The following TIMP2 variants were observed in gnomAD, a reference collection of about 807,000 sequenced individuals.
The protein encoded by TIMP2 is TIMP metallopeptidase inhibitor 2.
In TIMP2, 5 loss-of-function variants were observed where a neutral mutation model predicts 24.3. The ratio of observed to expected loss-of-function variants is 0.21; its 90% CI spans 0.11 to 0.43. TIMP2 has a LOEUF of 0.43. Ranked by LOEUF, TIMP2 falls within the 20% of genes least tolerant of loss-of-function variation. The probability of loss-of-function intolerance (pLI) is 1.00; values close to 1 mark genes in which losing one functional copy is unlikely to be tolerated. For synonymous variants in TIMP2, 130 were observed against 123.2 expected, an observed-to-expected ratio of 1.06 and a Z score of -0.37; for missense variants, 221 against 297.5, an observed-to-expected ratio of 0.74 and a Z score of 1.89.
chr17:78,862,588 T>C (rs1382145024), intron 3 of TIMP2, among the ~76,000 whole-genome samples: 2 of 152,244 alleles, frequency 1.3e-5, no homozygotes, highest in South Asian at 2.1e-4. Flanking sequence ...AGGAAGTCCA[T>C]GTGCAGATTT....
intron 1 of TIMP2, among the ~76,000 whole-genome samples, chr17:78,890,082 C>T (rs530940754): frequency 6.6e-6 from 1 of 152,222 alleles, no homozygotes; most frequent in East Asian, 1.9e-4. Context: ...CACCACTGCA[C>T]TCTAGCCTGG....
chr17:78,855,912 G>A lies in TIMP2; in HGVS notation c.466-48C>T. The A allele has an allele frequency of 1.3e-6, 2 of 1,594,576 alleles. No homozygotes were observed. Among genetic ancestry groups the A allele is most frequent in the Admixed American group, 1.7e-5 (1 of 59,950 alleles). On this transcript the variant is annotated intron_variant, in intron 4 of 4. Coordinates refer to ENST00000262768, the MANE Select transcript of TIMP2 (RefSeq NM_003255.5). The surrounding 1 kb of genome is among the most constrained non-coding windows in gnomAD (Gnocchi z 6.0). ...GGACGGAGTCAGGGACCCAGGAAGG[G>A]GTGGGCAGAGGCTGCTCTGGGGGCA... is the stretch of plus-strand genomic sequence containing the variant.
intron 1 of TIMP2, among the ~76,000 whole-genome samples, chr17:78,917,102 A>C (rs1233591755): frequency 6.6e-6 from 1 of 152,120 alleles, no homozygotes; most frequent in African/African-American, 2.4e-5. Context: ...AATACAAAAA[A>C]TTAGCCGGGC....
Position 78,887,736 on chromosome 17 carries a change from GAA to G in TIMP2, c.131-13819_131-13818del, listed in dbSNP as rs34363852. On this transcript the variant is annotated intron_variant, in intron 1 of 4. Transcript: ENST00000262768. ...AAGAGCAGGTCAATCTTTTTCTGGG[GAA>G]AAAAAAAAAAATAGGAAAAAAAAAA... Among the ~76,000 whole-genome samples, 619 of 127,520 alleles carry G rather than the reference GAA, an allele frequency of 4.9e-3. 7 individuals carry two copies. In the East Asian group the frequency reaches 0.057, roughly 12 times the overall value. The allele number at this position is 127,520 out of a possible 152,430, so 83.7% of individuals were successfully genotyped here.
At chr17:78,884,414 G>A (rs1472476755) in intron 1 of TIMP2, among the ~76,000 whole-genome samples, 3 of 152,192 alleles carry the variant, frequency 2.0e-5, no homozygotes, top group East Asian at 3.9e-4. Flanking sequence ...GCTGTTCGTC[G>A]GACCCAGGGT....
rs1381844469 is a variant in TIMP2 at position 78,896,167 on chromosome 17, C to T, written c.131-22248G>A. On this transcript the variant is annotated intron_variant, in intron 1 of 4. Transcript: ENST00000262768. This position sits in a 1 kb window ranked among gnomAD's most constrained non-coding sequence, Gnocchi z 4.4. ...CCTCGTCCCCGCTACCCCAGCTCTC[C>T]TTGCTCTCCCCTCTGAGACCCTCCC... 1.3e-5 allele frequency among the ~76,000 whole-genome samples: 2 copies of T among 152,252 alleles called. No homozygotes were observed. The highest frequency in any genetic ancestry group is 4.8e-5 in the African/African-American group (2 of 41,468).
At chr17:78,902,350 C>T (rs929821370) in intron 1 of TIMP2, among the ~76,000 whole-genome samples, 2 of 152,210 alleles carry the variant, frequency 1.3e-5, no homozygotes, top group African/African-American at 4.8e-5. Context: ...TCAGGTGATC[C>T]ACTCGCCTCG....
rs1371621194 is a variant in TIMP2 at position 78,896,525 on chromosome 17, G to A, written c.131-22606C>T. 6.6e-6 allele frequency among the ~76,000 whole-genome samples: 1 copy of A among 152,132 alleles called. No homozygotes were observed. The highest frequency in any genetic ancestry group is 1.5e-5 in the Non-Finnish European group (1 of 68,022). On this transcript the variant is annotated intron_variant, in intron 1 of 4. Coordinates refer to ENST00000262768, the MANE Select transcript of TIMP2 (RefSeq NM_003255.5). The surrounding 1 kb of genome is among the most constrained non-coding windows in gnomAD (Gnocchi z 4.4). ...CTGGTTGCTTAGAATATTCTAGAAG[G>A]GGCAGGGGTCCTGGCGCTCCTCTGT...
chr17:78,901,637 G>A, intron 1 of TIMP2: 1 of 695,872 alleles, frequency 1.4e-6, no homozygotes, highest in Non-Finnish European at 2.7e-6. Context: ...AGTACTATGT[G>A]ACCTAGGCCA....
chr17:78,873,766 C>T, intron 2 of TIMP2, 53 bp downstream of exon 2: 2 of 1,506,478 alleles, frequency 1.3e-6, no homozygotes, highest in South Asian at 2.3e-5. Flanking sequence ...CCAACCCCAA[C>T]ACCCCACAGC....
rs1249118670 is a variant in TIMP2 at position 78,891,480 on chromosome 17, C to G, written c.131-17561G>C. On this transcript the variant is annotated intron_variant, in intron 1 of 4. Transcript: ENST00000262768. This position sits in a 1 kb window ranked among gnomAD's most constrained non-coding sequence, Gnocchi z 4.5. ...TTAAACAACTCTTCAAAGGCCAACT[C>G]CAGCTCTTTCTGCCACTTGTTCTTC... 6.4e-7 allele frequency: 1 copy of G among 1,551,058 alleles called. No individual in the cohort carries two copies. Among genetic ancestry groups the G allele is most frequent in the Non-Finnish European group, 8.7e-7 (1 of 1,147,134 alleles).
At chr17:78,914,255 C>CTATT (rs1555652630) in intron 1 of TIMP2, among the ~76,000 whole-genome samples, 1 of 106,554 alleles carries the variant, frequency 9.4e-6, no homozygotes, top group Non-Finnish European at 2.1e-5. Context: ...GAAATTTTGG[C>CTATT]TATTCATTTA....
At chr17:78,914,588 GT>G (rs761177121) in intron 1 of TIMP2, among the ~76,000 whole-genome samples, 9 of 147,770 alleles carry the variant, frequency 6.1e-5, no homozygotes, top group Admixed American at 1.4e-4. Context: ...CAGCCAAGCT[GT>G]TTTTTTTTTC....
chr17:78,900,400 C>T (rs1320300004), intron 1 of TIMP2, among the ~76,000 whole-genome samples: 1 of 152,056 alleles, frequency 6.6e-6, no homozygotes, highest in African/African-American at 2.4e-5. Flanking sequence ...AAAAAATTAG[C>T]CAGGTGTGGT....
chr17:78,892,645 T>G, intron 1 of TIMP2: 1 of 851,122 alleles, frequency 1.2e-6, no homozygotes, highest in Admixed American at 3.0e-5. Flanking sequence ...TGTACACTTT[T>G]GACAAGAGCC....
chr17:78,908,842 A>G (rs1485102312), intron 1 of TIMP2, among the ~76,000 whole-genome samples: 1 of 152,144 alleles, frequency 6.6e-6, no homozygotes, highest in African/African-American at 2.4e-5. Context: ...CACAAGGGAG[A>G]GTCAGGCCAG....
intron 3 of TIMP2, among the ~76,000 whole-genome samples, chr17:78,865,913 T>C (rs1000127584): frequency 2.0e-5 from 3 of 152,190 alleles, no homozygotes; most frequent in African/African-American, 7.2e-5. Context: ...TCCGCAGCGC[T>C]GCAGTTTGGC....
intron 3 of TIMP2, among the ~76,000 whole-genome samples, chr17:78,861,204 G>GCCCCTTC (rs2069564606): frequency 6.6e-6 from 1 of 152,120 alleles, no homozygotes; most frequent in African/African-American, 2.4e-5. Flanking sequence ...GTATACCGCA[G>GCCCCTTC]CCCCTTCCCT....
intron 1 of TIMP2, among the ~76,000 whole-genome samples, chr17:78,910,588 T>C (rs2070198961): frequency 6.6e-6 from 1 of 152,158 alleles, no homozygotes; most frequent in African/African-American, 2.4e-5. Flanking sequence ...TCTCTCCCTC[T>C]CTCCTCCCCC....
Sources: gnomAD v4.1 joint callset for allele counts (sites outside exome capture counted in the v4.1 genomes callset) on GRCh38, gnomAD v4.1.1 for gene constraint, Gnocchi (gnomAD v3.1) non-coding constraint, MANE v1.5 for transcripts, NCBI Gene and HGNC (gene_info 2026-07-23, HGNC 2026-07-21) for gene names.